ADCY1: variants seen among roughly 807,000 people sequenced by gnomAD.
ADCY1 encodes the protein adenylate cyclase 1.
Under a neutral mutation model 105.4 loss-of-function variants are expected in ADCY1, and 28 were observed. That is an observed-to-expected ratio of 0.27 (90% CI 0.20 to 0.36). The LOEUF (loss-of-function observed/expected upper bound fraction) is 0.36. Ranked by LOEUF, ADCY1 falls within the 10% of genes least tolerant of loss-of-function variation. The pLI is 1.00. For synonymous variants in ADCY1, 655 were observed against 623.8 expected (o/e 1.05, Z -0.75); for missense variants, 977 against 1,434.2 (o/e 0.68, Z 5.15).
chr7:45,671,583 TTCTC>T (rs766335715), intron 8 of ADCY1, among the ~76,000 whole-genome samples: 19 of 151,126 alleles, frequency 1.3e-4, no homozygotes, highest in Admixed American at 2.6e-4. Context: ...GCATTTGGTG[TTCTC>T]TCTCTCTCTC....
At chr7:45,704,710 G>A in intron 17 of ADCY1, 94 bp downstream of exon 17, 1 of 982,464 alleles carries the variant, frequency 1.0e-6, no homozygotes, top group Non-Finnish European at 1.6e-6. Flanking sequence ...ACTGGGGTTT[G>A]TTTGCCCTCT....
chr7:45,582,603 G>A lies in ADCY1; in HGVS notation c.639+7421G>A, dbSNP rs76829550. Among the ~76,000 whole-genome samples the A allele has an allele frequency of 2.3e-3, 354 of 151,978 alleles. 1 individual carries two copies. Among genetic ancestry groups the A allele is most frequent in the African/African-American group, 7.9e-3 (327 of 41,386 alleles). ...GGGGGTGGTGGGGGATGGGGTGGGA[G>A]GCCTGCCTCCACTGCCCAGTCTTCC... On this transcript the variant is annotated intron_variant, in intron 1 of 19. Coordinates refer to ENST00000297323, the MANE Select transcript of ADCY1 (RefSeq NM_021116.4).
chr7:45,630,049 A>T (rs1794194206), intron 4 of ADCY1, among the ~76,000 whole-genome samples: 1 of 152,078 alleles, frequency 6.6e-6, no homozygotes, highest in East Asian at 1.9e-4. Flanking sequence ...TTCATTGCTT[A>T]TTGGCCACTC....
Position 45,686,816 on chromosome 7 carries a change from G to C in ADCY1, c.2454+143G>C. ...CCCTCCTCAGCAGCATGCAAGCCAG[G>C]CACTGTCCGGGGATGGAGGAGACCT... On this transcript the variant is annotated intron_variant, in intron 14 of 19. Coordinates refer to ENST00000297323, the MANE Select transcript of ADCY1 (RefSeq NM_021116.4). This position sits in a 1 kb window ranked among gnomAD's most constrained non-coding sequence, Gnocchi z 4.3. 1 of 1,277,500 alleles carries C rather than the reference G, an allele frequency of 7.8e-7. No individual in the cohort carries two copies. Among genetic ancestry groups the C allele is most frequent in the South Asian group, 1.6e-5 (1 of 63,646 alleles). The allele number at this position is 1,277,500 out of a possible 1,614,324, so 79.1% of individuals were successfully genotyped here. A position where few individuals can be genotyped will look rare whatever the true frequency, so the allele number is the denominator to read the frequency against.
In ADCY1 at chr7:45,704,420, G is replaced by A. The variant is rs1785069194; in HGVS notation, c.2719-98G>A. 8.4e-6 allele frequency: 8 copies of A among 952,906 alleles called. No individual in the cohort carries two copies. In the Admixed American group the frequency reaches 1.5e-4, roughly 17 times the overall value. 59.0% of individuals were successfully genotyped at this position (952,906 alleles called of 1,614,324 possible). On this transcript the variant is annotated intron_variant, in intron 16 of 19. Coordinates refer to ENST00000297323, the MANE Select transcript of ADCY1 (RefSeq NM_021116.4). ...AAGAAGACATGTTGCTTTCCTGAAT[G>A]TGTCCATCGGCTCTGCTGTTGCTCC...
intron 2 of ADCY1, among the ~76,000 whole-genome samples, chr7:45,607,041 T>A (rs1793394138): frequency 6.6e-6 from 1 of 152,104 alleles, no homozygotes; most frequent in Non-Finnish European, 1.5e-5. Flanking sequence ...TGCTGAGTCT[T>A]ATCAGATGGC....
intron 2 of ADCY1, 42 bp from the exon 3 acceptor site, chr7:45,610,336 AG>A: frequency 6.4e-7 from 1 of 1,558,106 alleles, no homozygotes; most frequent in Non-Finnish European, 8.8e-7. Context: ...GAGTGGAGGG[AG>A]GGGGCCCTGC....
chr7:45,581,887 A>G (rs558940399), intron 1 of ADCY1, among the ~76,000 whole-genome samples: 8 of 152,268 alleles, frequency 5.3e-5, no homozygotes, highest in Admixed American at 1.3e-4. Context: ...AAATCCTCCC[A>G]GATGCATACA....
chr7:45,657,010 G>C (rs1284478746), intron 5 of ADCY1, among the ~76,000 whole-genome samples: 1 of 152,336 alleles, frequency 6.6e-6, no homozygotes, highest in African/African-American at 2.4e-5. Context: ...ACCCAAATTC[G>C]GCCAGGCTGG....
chr7:45,589,650 C>G (rs1792850028), intron 1 of ADCY1, among the ~76,000 whole-genome samples: 1 of 152,050 alleles, frequency 6.6e-6, no homozygotes, highest in South Asian at 2.1e-4. Context: ...GGATGCTCAT[C>G]TGGGAAAATG....
At chr7:45,622,432 G>A (rs990494737) in intron 3 of ADCY1, among the ~76,000 whole-genome samples, 200 bp from the exon 4 acceptor site, 10 of 152,084 alleles carry the variant, frequency 6.6e-5, no homozygotes, top group African/African-American at 9.7e-5. Flanking sequence ...GCCAAGCCTC[G>A]GCGTTCTGTG....
At chr7:45,628,340 G>T (rs557454384) in intron 4 of ADCY1, among the ~76,000 whole-genome samples, 1 of 152,320 alleles carries the variant, frequency 6.6e-6, no homozygotes, top group South Asian at 2.1e-4. Context: ...GAAGACCTCG[G>T]TTTCCGCCAT....
At chr7:45,631,470 A>G (rs1289139610) in intron 4 of ADCY1, among the ~76,000 whole-genome samples, 2 of 152,258 alleles carry the variant, frequency 1.3e-5, no homozygotes, top group Admixed American at 6.5e-5. Context: ...CTGCCTCACA[A>G]TCCAGCAGGG....
Position 45,645,638 on chromosome 7 carries a change from C to T in ADCY1, c.1021-3032C>T, listed in dbSNP as rs541301688. On this transcript the variant is annotated intron_variant, in intron 4 of 19. Transcript: ENST00000297323. ...GATGACCAGGAGGCCCTGGTAACCA[C>T]GGGACCCTGGAAGGATGCTGGGAAC... Among the ~76,000 whole-genome samples the T allele has an allele frequency of 7.9e-5, 12 of 152,190 alleles. No homozygotes were observed. The South Asian group carries it at 1.9e-3, about 24-fold the overall frequency.
chr7:45,703,873 A>G lies in ADCY1; in HGVS notation c.2718+127A>G, dbSNP rs765384652. The G allele has an allele frequency of 3.0e-6, 4 of 1,340,848 alleles. No homozygotes were observed. The highest frequency in any genetic ancestry group is 4.0e-6 in the Non-Finnish European group (4 of 992,928). 83.1% of individuals were successfully genotyped at this position (1,340,848 alleles called of 1,614,324 possible). ...GAATGAGAGAAAGCAAATCCCGGGA[A>G]GCACAGGCATTCTGTCTCCTTTGGG... On this transcript the variant is annotated intron_variant, in intron 16 of 19. Transcript: ENST00000297323. The surrounding 1 kb of genome is among the most constrained non-coding windows in gnomAD (Gnocchi z 5.9).
chr7:45,609,925 C>T (rs1221749049), intron 2 of ADCY1, among the ~76,000 whole-genome samples: 1 of 152,186 alleles, frequency 6.6e-6, no homozygotes, highest in African/African-American at 2.4e-5. Flanking sequence ...GAAAGAATGC[C>T]ACATGGTCCC....
At chr7:45,701,774 C>T (rs1208171171) in intron 14 of ADCY1, among the ~76,000 whole-genome samples, 1 of 152,188 alleles carries the variant, frequency 6.6e-6, no homozygotes, top group East Asian at 1.9e-4. Flanking sequence ...GACCTTTGAG[C>T]ATGACCCAGA....
At chr7:45,622,122 C>T (rs557719581) in intron 3 of ADCY1, among the ~76,000 whole-genome samples, 4 of 152,314 alleles carry the variant, frequency 2.6e-5, no homozygotes, top group Middle Eastern at 3.4e-3. Context: ...GGGGCGGCCC[C>T]TTTGCCCAGG....
rs1792718070 is a variant in ADCY1 at position 45,586,187 on chromosome 7, AGGCTG to A, written c.640-6566_640-6562del. On this transcript the variant is annotated intron_variant, in intron 1 of 19. Coordinates refer to ENST00000297323, the MANE Select transcript of ADCY1 (RefSeq NM_021116.4). ...GCGAGTGTGCATGACCTGGGAGGAG[AGGCTG>A]GGCTGTCTTGGAGAGGGGCACCATG... 2.0e-5 allele frequency among the ~76,000 whole-genome samples: 3 copies of A among 151,694 alleles called. No individual in the cohort carries two copies. In the South Asian group the frequency reaches 6.3e-4, roughly 32 times the overall value.
Sources: allele counts gnomAD v4.1 joint callset (sites outside exome capture counted in the v4.1 genomes callset), GRCh38; gene constraint gnomAD v4.1.1; non-coding constraint Gnocchi (gnomAD v3.1); transcripts MANE v1.5; gene names NCBI Gene and HGNC (gene_info 2026-07-23, HGNC 2026-07-21).